Variants in NRF1 observed in about 807,000 individuals in gnomAD.
The protein encoded by NRF1 is alpha palindromic-binding protein.
In NRF1, 5 loss-of-function variants were observed where a neutral mutation model predicts 58.5. The ratio of observed to expected loss-of-function variants is 0.09; its 90% CI spans 0.04 to 0.18. The LOEUF (loss-of-function observed/expected upper bound fraction) is 0.18, where lower values mean the gene tolerates loss of function less well. Ranked by LOEUF, NRF1 falls within the 10% of genes least tolerant of loss-of-function variation. The pLI is 1.00. For synonymous variants in NRF1, 224 were observed against 246.7 expected (o/e 0.91, Z 0.86); for missense variants, 288 against 657.7 (o/e 0.44, Z 6.15).
intron 10 of NRF1, among the ~76,000 whole-genome samples, chr7:129,738,301 G>C (rs1803766309): frequency 6.6e-6 from 1 of 152,224 alleles, no homozygotes; most frequent in Non-Finnish European, 1.5e-5. Flanking sequence ...ATGAAGAGGA[G>C]TGAGGGGAGT....
intron 10 of NRF1, chr7:129,744,297 G>A: frequency 7.2e-7 from 1 of 1,382,620 alleles, no homozygotes; most frequent in South Asian, 1.2e-5. Context: ...TGTCATTCCA[G>A]GCGCTGCTTC....
chr7:129,648,941 A>G (rs1012202388), intron 1 of NRF1, among the ~76,000 whole-genome samples: 2 of 149,644 alleles, frequency 1.3e-5, no homozygotes, highest in Non-Finnish European at 3.0e-5. Flanking sequence ...TCAACTGTAG[A>G]GCCCAGTGGT....
At chr7:129,694,382 G>A (rs1160284398) in intron 5 of NRF1, among the ~76,000 whole-genome samples, 3 of 150,066 alleles carry the variant, frequency 2.0e-5, no homozygotes, top group African/African-American at 7.4e-5. Context: ...CTTTTTTTTT[G>A]GGGATGGAGT....
At chr7:129,621,241 T>C (rs1026214448) in intron 1 of NRF1, among the ~76,000 whole-genome samples, 1 of 152,182 alleles carries the variant, frequency 6.6e-6, no homozygotes, top group Non-Finnish European at 1.5e-5. Flanking sequence ...CTTGCCACCC[T>C]CAAAATAAAT....
intron 10 of NRF1, chr7:129,744,130 C>CTTTTTTT: frequency 9.1e-6 from 11 of 1,211,576 alleles, no homozygotes; most frequent in South Asian, 1.6e-5. Context: ...TTGCCCGGTG[C>CTTTTTTT]TTTTTTTTTT....
chr7:129,707,809 G>A (rs1802986834), intron 5 of NRF1, among the ~76,000 whole-genome samples: 2 of 152,094 alleles, frequency 1.3e-5, no homozygotes, highest in African/African-American at 4.8e-5. Flanking sequence ...CATGGCTACC[G>A]TCAACCAGAA....
At chr7:129,691,230 AG>A (rs2151093082) in intron 5 of NRF1, among the ~76,000 whole-genome samples, 1 of 152,176 alleles carries the variant, frequency 6.6e-6, no homozygotes, top group South Asian at 2.1e-4. Flanking sequence ...AAATGTACTT[AG>A]CATGATAAAT....
At chr7:129,726,049 C>T (rs2116246877) in intron 9 of NRF1, among the ~76,000 whole-genome samples, 1 of 152,226 alleles carries the variant, frequency 6.6e-6, no homozygotes, top group East Asian at 1.9e-4. Context: ...TACCCACCTC[C>T]ACTTACGGCT....
chr7:129,677,846 G>A (rs1298290190), intron 4 of NRF1, 88 bp downstream of exon 4: 17 of 1,510,024 alleles, frequency 1.1e-5, no homozygotes, highest in Non-Finnish European at 1.5e-5. Flanking sequence ...TATAACAGTT[G>A]GCATTTCTGT....
At chr7:129,694,974 A>G (rs904047760) in intron 5 of NRF1, among the ~76,000 whole-genome samples, 5 of 152,250 alleles carry the variant, frequency 3.3e-5, no homozygotes, top group Admixed American at 1.3e-4. Context: ...TTTAGAATTT[A>G]TATAGGAAGA....
At chr7:129,749,190 G>C (rs1032688386) in intron 10 of NRF1, among the ~76,000 whole-genome samples, 2 of 152,170 alleles carry the variant, frequency 1.3e-5, no homozygotes, top group Non-Finnish European at 2.9e-5. Flanking sequence ...GCTAAAGTAG[G>C]GTTATTACAA....
chr7:129,713,821 A>G (rs1803130140), intron 8 of NRF1, among the ~76,000 whole-genome samples: 1 of 152,208 alleles, frequency 6.6e-6, no homozygotes, highest in Non-Finnish European at 1.5e-5. Flanking sequence ...GTAGCCCCTG[A>G]GCTTAGACTA....
At chr7:129,754,576 G>A (rs975963962) in intron 10 of NRF1, among the ~76,000 whole-genome samples, 14 of 151,908 alleles carry the variant, frequency 9.2e-5, no homozygotes, top group African/African-American at 3.1e-4. Context: ...GGCAGGAGAG[G>A]TTGGCCAGCA....
At chr7:129,631,508 TC>T (rs766059459) in intron 1 of NRF1, among the ~76,000 whole-genome samples, 3 of 152,098 alleles carry the variant, frequency 2.0e-5, no homozygotes, top group Non-Finnish European at 2.9e-5. Flanking sequence ...CTCAATCAGT[TC>T]TCCCACCTTG....
intron 4 of NRF1, among the ~76,000 whole-genome samples, chr7:129,688,587 G>A (rs1250726007): frequency 6.6e-6 from 1 of 152,106 alleles, no homozygotes; most frequent in Admixed American, 6.6e-5. Flanking sequence ...AATAAAAGAG[G>A]TTTAATTGAC....
chr7:129,718,598 T>C (rs1803244042), intron 9 of NRF1, among the ~76,000 whole-genome samples: 1 of 152,242 alleles, frequency 6.6e-6, no homozygotes, highest in Non-Finnish European at 1.5e-5. Context: ...CAGTATTACT[T>C]AGAGTGTAAC....
chr7:129,707,843 T>C (rs778724722), intron 5 of NRF1, among the ~76,000 whole-genome samples: 2 of 152,196 alleles, frequency 1.3e-5, no homozygotes, highest in African/African-American at 2.4e-5. Context: ...ACATTACTGA[T>C]TGGGTTCATG....
At chr7:129,732,577 T>C (rs1803606205) in intron 10 of NRF1, among the ~76,000 whole-genome samples, 1 of 144,768 alleles carries the variant, frequency 6.9e-6, no homozygotes, top group East Asian at 2.1e-4. Flanking sequence ...TGGGGTTTTT[T>C]TGGGTTTTGT....
At chr7:129,614,942 A>G (rs1209395160) in intron 1 of NRF1, among the ~76,000 whole-genome samples, 5 of 152,228 alleles carry the variant, frequency 3.3e-5, no homozygotes, top group Non-Finnish European at 7.3e-5. Flanking sequence ...TATGTAAATA[A>G]TCACGAATGA....
Sources: allele counts gnomAD v4.1 joint callset (sites outside exome capture counted in the v4.1 genomes callset), GRCh38; gene constraint gnomAD v4.1.1; transcripts MANE v1.5; gene names NCBI Gene and HGNC (gene_info 2026-07-23, HGNC 2026-07-21).